PDLIM5: variants seen among roughly 807,000 people sequenced by gnomAD.
PDLIM5 encodes PDZ and LIM domain 5.
A neutral mutation model predicts 64.2 loss-of-function variants in PDLIM5; 34 were observed. The observed-to-expected ratio is 0.53, with a 90% CI of 0.40 to 0.71. The LOEUF is 0.71. PDLIM5 is among the 30% of genes least tolerant of loss of function. PDLIM5 has a pLI of 0.00. For synonymous variants in PDLIM5, 253 were observed against 269.1 expected (o/e 0.94, Z 0.59); for missense variants, 683 against 733.6 (o/e 0.93, Z 0.80).
intron 2 of PDLIM5, among the ~76,000 whole-genome samples, chr4:94,505,443 G>C (rs1345201543): frequency 2.0e-5 from 3 of 152,092 alleles, no homozygotes; most frequent in Non-Finnish European, 4.4e-5. Flanking sequence ...TGAATTTTTA[G>C]TAGAGATAGG....
intron 2 of PDLIM5, among the ~76,000 whole-genome samples, chr4:94,487,523 C>T (rs1473180544): frequency 6.6e-6 from 1 of 152,190 alleles, no homozygotes; most frequent in Non-Finnish European, 1.5e-5. Context: ...ACACCTCTTG[C>T]AGCCTGGCCA....
At chr4:94,655,047 C>A (rs1742106761) in intron 10 of PDLIM5, among the ~76,000 whole-genome samples, 1 of 152,034 alleles carries the variant, frequency 6.6e-6, no homozygotes, top group South Asian at 2.1e-4. Flanking sequence ...GCAGTATTTC[C>A]CTACTTGTCA....
At chr4:94,555,937 A>G (rs1350268865) in intron 3 of PDLIM5, among the ~76,000 whole-genome samples, 1 of 151,572 alleles carries the variant, frequency 6.6e-6, no homozygotes, top group Admixed American at 6.6e-5. Context: ...TTAAGTTCTA[A>G]GGTACATGTG....
intron 9 of PDLIM5, among the ~76,000 whole-genome samples, chr4:94,652,455 C>T (rs1649578539): frequency 1.3e-5 from 2 of 152,186 alleles, no homozygotes; most frequent in African/African-American, 2.4e-5. Context: ...AAACACAGGG[C>T]ACTCATCAAA....
rs1738314231 is a variant in PDLIM5 at position 94,610,952 on chromosome 4, C to A, written c.921-7052C>A. 1.4e-6 allele frequency: 1 copy of A among 696,676 alleles called. No homozygotes were observed. Among genetic ancestry groups the A allele is most frequent in the East Asian group, 2.9e-5 (1 of 35,030 alleles). 43.2% of individuals were successfully genotyped at this position (696,676 alleles called of 1,614,324 possible). A position where few individuals can be genotyped will look rare whatever the true frequency, so the allele number is the denominator to read the frequency against. The stretch of plus-strand genomic sequence containing the variant: ...CTTTGTGCTTCCCCTCCTTCTTCCT[C>A]TCTCTCCCCACCCTCTCTCTCGTAA... On this transcript the variant is annotated intron_variant, in intron 7 of 12. Transcript: ENST00000317968.
intron 9 of PDLIM5, among the ~76,000 whole-genome samples, chr4:94,649,200 T>C (rs556733011): frequency 6.6e-6 from 1 of 152,214 alleles, no homozygotes; most frequent in South Asian, 2.1e-4. Flanking sequence ...GGTCTCGAAC[T>C]CCTGGCCTCA....
At chr4:94,632,441 G>A (rs1255154086) in intron 8 of PDLIM5, among the ~76,000 whole-genome samples, 1 of 152,082 alleles carries the variant, frequency 6.6e-6, no homozygotes, top group Non-Finnish European at 1.5e-5. Context: ...TCAAATATAT[G>A]TATCTGCACT....
intron 4 of PDLIM5, among the ~76,000 whole-genome samples, chr4:94,575,294 A>T (rs1229507083): frequency 6.6e-6 from 1 of 152,202 alleles, no homozygotes; most frequent in African/African-American, 2.4e-5. Flanking sequence ...TTTCCTTTGG[A>T]ATATGCCTAG....
intron 9 of PDLIM5, among the ~76,000 whole-genome samples, chr4:94,643,850 C>G (rs956736930): frequency 2.6e-5 from 4 of 152,162 alleles, no homozygotes; most frequent in African/African-American, 9.7e-5. Flanking sequence ...GAAAAACATG[C>G]ATAATTTGTT....
chr4:94,456,008 A>G (rs1373459307), intron 2 of PDLIM5: 7 of 1,428,952 alleles, frequency 4.9e-6, no homozygotes, highest in Middle Eastern at 3.8e-4. Flanking sequence ...TTTCATGATG[A>G]TGATGATAGC....
intron 2 of PDLIM5, among the ~76,000 whole-genome samples, chr4:94,518,087 T>C (rs1317424731): frequency 6.6e-6 from 1 of 152,152 alleles, no homozygotes; most frequent in Non-Finnish European, 1.5e-5. Context: ...TCTAAGACAT[T>C]GGAGTCACTG....
At position 94,654,598 on chromosome 4, in the gene PDLIM5, C is replaced by A. The variant is rs756291512; in HGVS notation, c.1422C>A (p.Phe474Leu). 6 of 1,612,800 alleles carry A rather than the reference C, an allele frequency of 3.7e-6. No homozygotes were observed. The Admixed American group carries it at 1.0e-4, about 27-fold the overall frequency. The part of the protein sequence containing the change: ...ALYCELCYEK[F>L]FAPECGRCQR... ...ATTGTGAGCTGTGCTATGAGAAATTCTTTGCCCCTGAATGTGGTCGATGCC... is the reference window on the plus strand; with the variant it reads ...ATTGTGAGCTGTGCTATGAGAAATTATTTGCCCCTGAATGTGGTCGATGCC... The change falls in exon 10 of 13, where the codon TTC becomes TTA. Residue 474 changes from phenylalanine to leucine, a missense_variant. Transcript: ENST00000317968.
Position 94,640,597 on chromosome 4 carries a change from G to A in PDLIM5, c.1283+147G>A, listed in dbSNP as rs754430512. 12 of 493,858 alleles carry A rather than the reference G, an allele frequency of 2.4e-5. No homozygotes were observed. In the South Asian group the frequency reaches 3.2e-4, roughly 13 times the overall value. The allele number at this position is 493,858 out of a possible 1,614,324, so 30.6% of individuals were successfully genotyped here. A position where few individuals can be genotyped will look rare whatever the true frequency, so the allele number is the denominator to read the frequency against. On this transcript the variant is annotated intron_variant, in intron 9 of 12. Coordinates refer to ENST00000317968, the MANE Select transcript of PDLIM5 (RefSeq NM_006457.5). ...AGAGTACTAATTATTGAGTAAATAC[G>A]AATATCTATCTATGAGAATCTATTT...
intron 2 of PDLIM5, among the ~76,000 whole-genome samples, chr4:94,520,132 T>C (rs1490832812): frequency 3.3e-5 from 5 of 152,158 alleles, no homozygotes; most frequent in Non-Finnish European, 7.4e-5. Context: ...AGTTCCAACA[T>C]GTACAGCCAT....
chr4:94,574,221 C>T (rs750758567), intron 4 of PDLIM5, among the ~76,000 whole-genome samples: 8 of 152,196 alleles, frequency 5.3e-5, no homozygotes, highest in African/African-American at 1.7e-4. Flanking sequence ...ATTGAGGCTG[C>T]GCGCGGTGGG....
chr4:94,548,480 A>G (rs1732516619), intron 3 of PDLIM5, among the ~76,000 whole-genome samples: 1 of 152,194 alleles, frequency 6.6e-6, no homozygotes, highest in African/African-American at 2.4e-5. Flanking sequence ...ACAACAGGAA[A>G]TTGGAGAGAT....
At chr4:94,489,353 A>G (rs942373577) in intron 2 of PDLIM5, among the ~76,000 whole-genome samples, 9 of 152,178 alleles carry the variant, frequency 5.9e-5, no homozygotes, top group Admixed American at 3.3e-4. Flanking sequence ...GAATGCATAT[A>G]CATGTATATT....
chr4:94,453,705 TCTC>T (rs574177056), intron 1 of PDLIM5, among the ~76,000 whole-genome samples: 420 of 152,238 alleles, frequency 2.8e-3, no homozygotes, highest in African/African-American at 8.8e-3. Context: ...TTTCTGAAAA[TCTC>T]CTCCTTTTAT....
chr4:94,539,723 A>G (rs1444565072), intron 3 of PDLIM5, among the ~76,000 whole-genome samples: 1 of 152,184 alleles, frequency 6.6e-6, no homozygotes, highest in Non-Finnish European at 1.5e-5. Flanking sequence ...TTAAAACTTA[A>G]ATATAGAATT....
Sources: gnomAD v4.1 joint callset for allele counts (sites outside exome capture counted in the v4.1 genomes callset) on GRCh38, gnomAD v4.1.1 for gene constraint, MANE v1.5 for transcripts, NCBI Gene and HGNC (gene_info 2026-07-23, HGNC 2026-07-21) for gene names.